ARID5B: variants seen among roughly 807,000 people sequenced by gnomAD.
The protein encoded by ARID5B is AT-rich interaction domain 5B.
Under a neutral mutation model 97.2 loss-of-function variants are expected in ARID5B, and 13 were observed. That is an observed-to-expected ratio of 0.13 (90% CI 0.09 to 0.21). ARID5B has a LOEUF of 0.21. Ranked by LOEUF, ARID5B falls within the 10% of genes least tolerant of loss-of-function variation. ARID5B has a pLI of 1.00. For missense variants in ARID5B, 1,210 were observed against 1,465.3 expected, an observed-to-expected ratio of 0.83 and a Z score of 2.84; for synonymous variants, 556 against 570.3, an observed-to-expected ratio of 0.97 and a Z score of 0.36.
chr10:62,057,205 C>G lies in ARID5B; in HGVS notation c.935C>G (p.Ala312Gly), dbSNP rs779403852. The G allele has an allele frequency of 6.2e-7, 1 of 1,613,702 alleles. No homozygotes were observed. Among genetic ancestry groups the G allele is most frequent in the Non-Finnish European group, 8.5e-7 (1 of 1,179,802 alleles). ...KVSNEEKPKV[A>G]IGEECRADEQ... ...TCAAATGAAGAAAAACCAAAGGTTGCCATTGGTGAAGAGTGCAGGGCAGAT... is the reference window on the plus strand; with the variant it reads ...TCAAATGAAGAAAAACCAAAGGTTGGCATTGGTGAAGAGTGCAGGGCAGAT... Residue 312 changes from alanine to glycine, a missense_variant, in exon 6 of 10, where the codon GCC (alanine) becomes GGC (glycine). This residue lies in a region of ARID5B where 132 missense variants were observed against 156.7 expected (regional missense o/e 0.84). Coordinates refer to ENST00000279873, the MANE Select transcript of ARID5B (RefSeq NM_032199.3).
chr10:61,917,975 A>G (rs558794048), intron 2 of ARID5B, among the ~76,000 whole-genome samples: 3 of 152,308 alleles, frequency 2.0e-5, no homozygotes, highest in Admixed American at 1.3e-4. Flanking sequence ...GAAAACACCT[A>G]GGGATGGATG....
intron 3 of ARID5B, among the ~76,000 whole-genome samples, chr10:61,973,493 A>G (rs1310875790): frequency 6.6e-6 from 1 of 152,182 alleles, no homozygotes; most frequent in African/African-American, 2.4e-5. Context: ...GATAAATTGA[A>G]GTTTTAATAG....
intron 4 of ARID5B, among the ~76,000 whole-genome samples, chr10:62,019,376 A>C (rs1839325069): frequency 6.6e-6 from 1 of 152,254 alleles, no homozygotes; most frequent in East Asian, 1.9e-4. Flanking sequence ...ACTATGAAAT[A>C]ACCTTTCACA....
At chr10:61,980,403 TTTC>T (rs1564618864) in intron 3 of ARID5B, among the ~76,000 whole-genome samples, 1 of 152,230 alleles carries the variant, frequency 6.6e-6, no homozygotes, top group South Asian at 2.1e-4. Context: ...ATCGCCTTGA[TTTC>T]TTCTTAAAAC....
rs1840429345 is a variant in ARID5B at position 62,094,048 on chromosome 10, G to T, written c.*1018G>T. On this transcript the variant is annotated 3_prime_UTR_variant, in exon 10 of 10. Coordinates refer to ENST00000279873, the MANE Select transcript of ARID5B (RefSeq NM_032199.3). ...CTTACCTTATCTAGGCTGTGAAACT[G>T]TCCTACATACCAGAGAATCATAAAA... The T allele has an allele frequency of 4.3e-6, 1 of 233,652 alleles. No homozygotes were observed. Among genetic ancestry groups the T allele is most frequent in the Non-Finnish European group, 8.5e-6 (1 of 118,026 alleles). 14.5% of individuals were successfully genotyped at this position (233,652 alleles called of 1,614,324 possible). A position where few individuals can be genotyped will look rare whatever the true frequency, so the allele number is the denominator to read the frequency against.
At chr10:61,944,636 T>C (rs948995174) in intron 3 of ARID5B, among the ~76,000 whole-genome samples, 1 of 152,238 alleles carries the variant, frequency 6.6e-6, no homozygotes, top group Non-Finnish European at 1.5e-5. Flanking sequence ...TGGACTACAT[T>C]TATATGCTTT....
At chr10:61,928,580 A>G (rs1421780235) in intron 2 of ARID5B, among the ~76,000 whole-genome samples, 1 of 152,174 alleles carries the variant, frequency 6.6e-6, no homozygotes, top group East Asian at 1.9e-4. Flanking sequence ...GGCATGAGCC[A>G]CCGTACCTGC....
At chr10:62,089,580 T>C (rs557149756) in intron 9 of ARID5B, among the ~76,000 whole-genome samples, 1 of 148,974 alleles carries the variant, frequency 6.7e-6, no homozygotes, top group East Asian at 2.0e-4. Flanking sequence ...CAAGCTATAG[T>C]GCAATGGCAT....
chr10:62,062,468 G>A (rs1839933119), intron 7 of ARID5B, among the ~76,000 whole-genome samples: 1 of 152,196 alleles, frequency 6.6e-6, no homozygotes, highest in Non-Finnish European at 1.5e-5. Flanking sequence ...CCCAGGTGAT[G>A]TTAATTCAAA....
At chr10:62,040,749 CT>C (rs1482911562) in intron 4 of ARID5B, among the ~76,000 whole-genome samples, 1 of 152,030 alleles carries the variant, frequency 6.6e-6, no homozygotes, top group Non-Finnish European at 1.5e-5. Context: ...AGATATTTTA[CT>C]TTTATTTTGT....
chr10:61,932,676 C>T lies in ARID5B; in HGVS notation c.277-7507C>T, dbSNP rs59511857. The stretch of plus-strand genomic sequence containing the variant: ...ATGCATTGGTTGACACTTCATTTCA[C>T]GAAAGATTACTCTGTAGTATGCAGT... On this transcript the variant is annotated intron_variant, in intron 2 of 9. Coordinates refer to ENST00000279873, the MANE Select transcript of ARID5B (RefSeq NM_032199.3). Among the ~76,000 whole-genome samples the T allele has an allele frequency of 3.4e-3, 523 of 152,196 alleles. 4 individuals carry two copies. The highest frequency in any genetic ancestry group is 0.012 in the African/African-American group (492 of 41,528).
chr10:61,905,197 A>G (rs1328402689), intron 2 of ARID5B, among the ~76,000 whole-genome samples: 2 of 152,254 alleles, frequency 1.3e-5, no homozygotes, highest in Non-Finnish European at 2.9e-5. Context: ...TGTTCAGCAC[A>G]TTTAATCAGC....
At chr10:61,985,207 C>T (rs1213617757) in intron 3 of ARID5B, among the ~76,000 whole-genome samples, 3 of 151,758 alleles carry the variant, frequency 2.0e-5, no homozygotes, top group African/African-American at 7.2e-5. Context: ...AGAACACTTA[C>T]TTGTATTAGG....
At chr10:61,949,314 G>GT (rs34318534) in intron 3 of ARID5B, among the ~76,000 whole-genome samples, 2 of 151,964 alleles carry the variant, frequency 1.3e-5, no homozygotes, top group Admixed American at 6.6e-5. Context: ...CTAGCAGTTT[G>GT]TTTTTTTACA....
chr10:61,952,829 T>G (rs1449385108), intron 3 of ARID5B, among the ~76,000 whole-genome samples: 3 of 151,082 alleles, frequency 2.0e-5, no homozygotes, highest in African/African-American at 7.3e-5. Flanking sequence ...CTGAGGATTG[T>G]AGGTGGTGTT....
chr10:61,997,532 T>G (rs564745069), intron 3 of ARID5B, among the ~76,000 whole-genome samples: 5 of 152,338 alleles, frequency 3.3e-5, no homozygotes, highest in Non-Finnish European at 7.3e-5. Context: ...CTCCATTTTA[T>G]TTCAAGAATA....
chr10:61,909,861 C>T (rs1006147769), intron 2 of ARID5B, among the ~76,000 whole-genome samples: 2 of 152,164 alleles, frequency 1.3e-5, no homozygotes, highest in African/African-American at 2.4e-5. Context: ...CAGGGGCACT[C>T]ACCAAAGAAA....
At chr10:62,027,285 C>CTTTTTTTTT (rs777291593) in intron 4 of ARID5B, among the ~76,000 whole-genome samples, 6 of 67,406 alleles carry the variant, frequency 8.9e-5, no homozygotes, top group Non-Finnish European at 1.1e-4. Flanking sequence ...ACAGTATCTC[C>CTTTTTTTTT]TTTTTTTTTT....
chr10:61,926,039 C>A (rs575962981), intron 2 of ARID5B, among the ~76,000 whole-genome samples: 3 of 152,288 alleles, frequency 2.0e-5, no homozygotes, highest in African/African-American at 7.2e-5. Context: ...GAACCCAATA[C>A]ACTAAAGAGC....
Sources: allele counts gnomAD v4.1 joint callset (sites outside exome capture counted in the v4.1 genomes callset), GRCh38; gene constraint gnomAD v4.1.1; regional missense constraint gnomAD v4.1.1; transcripts MANE v1.5; gene names NCBI Gene and HGNC (gene_info 2026-07-23, HGNC 2026-07-21).